PTPRN2: variants seen among roughly 807,000 people sequenced by gnomAD.
PTPRN2 encodes the protein protein tyrosine phosphatase receptor type N2.
In PTPRN2, 74 loss-of-function variants were observed where a neutral mutation model predicts 118.8. The ratio of observed to expected loss-of-function variants is 0.62; its 90% CI spans 0.52 to 0.76. The LOEUF is 0.76. Among genes scored for constraint, PTPRN2 ranks in the 30% least tolerant of loss-of-function variants. The pLI, the probability that PTPRN2 is intolerant of heterozygous loss-of-function variation, is 0.00. For synonymous variants in PTPRN2, 641 were observed against 608.0 expected, an observed-to-expected ratio of 1.05 and a Z score of -0.80; for missense variants, 1,481 against 1,394.4, an observed-to-expected ratio of 1.06 and a Z score of -0.99.
At chr7:157,783,747 C>T (rs760270239) in intron 12 of PTPRN2, among the ~76,000 whole-genome samples, 1 of 151,960 alleles carries the variant, frequency 6.6e-6, no homozygotes, top group African/African-American at 2.4e-5. Context: ...CCCACTTACT[C>T]GGAACAGGGA....
At chr7:158,421,259 A>T (rs1028418984) in intron 2 of PTPRN2, among the ~76,000 whole-genome samples, 2 of 152,184 alleles carry the variant, frequency 1.3e-5, no homozygotes, top group South Asian at 4.1e-4. Flanking sequence ...TCACACTTGA[A>T]AAAAGAGCTC....
chr7:157,889,429 C>A (rs1796668505), intron 12 of PTPRN2, among the ~76,000 whole-genome samples: 1 of 152,162 alleles, frequency 6.6e-6, no homozygotes, highest in Non-Finnish European at 1.5e-5. Flanking sequence ...TGGTTTCGAC[C>A]CAACAACCAA....
At chr7:158,176,668 G>A (rs573499110) in intron 5 of PTPRN2, among the ~76,000 whole-genome samples, 3 of 152,332 alleles carry the variant, frequency 2.0e-5, no homozygotes, top group East Asian at 3.9e-4. Context: ...CAGGATGACG[G>A]TGGCCAGCAT....
chr7:158,015,607 T>C lies in PTPRN2; in HGVS notation c.1723+65691A>G, dbSNP rs553146572. Among the ~76,000 whole-genome samples, 27 of 152,230 alleles carry C rather than the reference T, an allele frequency of 1.8e-4. No homozygotes were observed. The South Asian group carries it at 3.9e-3, about 22-fold the overall frequency. On this transcript the variant is annotated intron_variant, in intron 11 of 22. Coordinates refer to ENST00000389418, the MANE Select transcript of PTPRN2 (RefSeq NM_002847.5). The surrounding 1 kb of genome is among the most constrained non-coding windows in gnomAD (Gnocchi z 4.2). ...TCAGGGGAAAGCAGAGCCCTTTCTCTTTACTCACCAGCAGTTCATATTGTT... is the reference window on the plus strand; with the variant it reads ...TCAGGGGAAAGCAGAGCCCTTTCTCCTTACTCACCAGCAGTTCATATTGTT...
chr7:158,206,858 A>G (rs531254730), intron 3 of PTPRN2, among the ~76,000 whole-genome samples: 46 of 150,084 alleles, frequency 3.1e-4, no homozygotes, highest in African/African-American at 1.1e-3. Flanking sequence ...TGCACATTGT[A>G]CAGGTTAGTT....
intron 2 of PTPRN2, among the ~76,000 whole-genome samples, chr7:158,369,421 G>C (rs1039280874): frequency 3.3e-5 from 5 of 152,080 alleles, no homozygotes; most frequent in African/African-American, 1.2e-4. Flanking sequence ...ACATGGTGAG[G>C]GTGCCGGGGG....
chr7:158,443,867 G>T lies in PTPRN2; in HGVS notation c.163+45868C>A, dbSNP rs190624411. ...ACTGTTGGCCACCAGCAACGGGGCT[G>T]CCTGGGACGGCCAGGGGCAGAGCTG... is the stretch of plus-strand genomic sequence containing the variant. On this transcript the variant is annotated intron_variant, in intron 2 of 22. Coordinates refer to ENST00000389418, the MANE Select transcript of PTPRN2 (RefSeq NM_002847.5). Among the ~76,000 whole-genome samples, 249 of 152,336 alleles carry T rather than the reference G, an allele frequency of 1.6e-3. 1 individual carries two copies. The highest frequency in any genetic ancestry group is 5.8e-3 in the African/African-American group (240 of 41,584).
rs554146772 is a variant in PTPRN2, at chr7:157,964,568, C to T, written c.1724-65831G>A. 1.3e-5 allele frequency among the ~76,000 whole-genome samples: 2 copies of T among 152,330 alleles called. No individual in the cohort carries two copies. The highest frequency in any genetic ancestry group is 1.3e-4 in the Admixed American group (2 of 15,304). On this transcript the variant is annotated intron_variant, in intron 11 of 22. Transcript: ENST00000389418. The surrounding 1 kb of genome is among the most constrained non-coding windows in gnomAD (Gnocchi z 9.0). The stretch of plus-strand genomic sequence containing the variant: ...GGTCAAAACAGTTCATCCACAACCC[C>T]GTGCAGGCCACAACACAGGAGCAGG...
At chr7:158,037,252 A>G (rs778629396) in intron 11 of PTPRN2, among the ~76,000 whole-genome samples, 3 of 152,276 alleles carry the variant, frequency 2.0e-5, no homozygotes, top group Non-Finnish European at 4.4e-5. Flanking sequence ...GCGAAGACAC[A>G]TGCCATGTAA....
chr7:158,465,602 A>T (rs1457546948), intron 2 of PTPRN2, among the ~76,000 whole-genome samples: 1 of 152,230 alleles, frequency 6.6e-6, no homozygotes, highest in Non-Finnish European at 1.5e-5. Context: ...CTTTAGAGAC[A>T]AGCAAACTGA....
chr7:157,927,201 CCA>C, intron 11 of PTPRN2, among the ~76,000 whole-genome samples: 1 of 89,384 alleles, frequency 1.1e-5, no homozygotes. Flanking sequence ...TTCTGGGACC[CCA>C]AAGACAGGAA....
chr7:158,333,331 C>T (rs1185830736), intron 2 of PTPRN2, among the ~76,000 whole-genome samples: 11 of 143,358 alleles, frequency 7.7e-5, no homozygotes, highest in African/African-American at 2.7e-4. Context: ...CCCACACTGT[C>T]ACCATAAGAG....
At chr7:157,646,122 A>G (rs1408104102) in intron 14 of PTPRN2, among the ~76,000 whole-genome samples, 1 of 152,192 alleles carries the variant, frequency 6.6e-6, no homozygotes, top group African/African-American at 2.4e-5. Flanking sequence ...TTTGCCAGGC[A>G]CACAGTAGGC....
intron 11 of PTPRN2, among the ~76,000 whole-genome samples, chr7:157,967,216 G>T (rs2128813794): frequency 6.6e-6 from 1 of 152,282 alleles, no homozygotes; most frequent in Admixed American, 6.5e-5. Flanking sequence ...CCAGCTACTT[G>T]GGAGGACCCC....
chr7:157,778,268 A>T (rs1289393038), intron 12 of PTPRN2, among the ~76,000 whole-genome samples: 3 of 152,360 alleles, frequency 2.0e-5, no homozygotes, highest in East Asian at 1.9e-4. Context: ...ATGCCCAAGT[A>T]CATGTGAATA....
chr7:157,735,924 C>G (rs1048497685), intron 12 of PTPRN2, among the ~76,000 whole-genome samples: 3 of 152,204 alleles, frequency 2.0e-5, no homozygotes, highest in African/African-American at 7.2e-5. Flanking sequence ...GAGAAGCTGC[C>G]CCAAGATTCT....
intron 10 of PTPRN2, among the ~76,000 whole-genome samples, chr7:158,100,244 GGTGTGTGTGT>G (rs3065708): frequency 2.8e-4 from 42 of 147,418 alleles, no homozygotes; most frequent in South Asian, 4.3e-4. Context: ...TATTCCATGG[GGTGTGTGTGT>G]GTGTGTGTGT....
rs578247720 is a variant in PTPRN2 at position 157,928,804 on chromosome 7, G to A, written c.1724-30067C>T. 2.5e-3 allele frequency among the ~76,000 whole-genome samples: 365 copies of A among 146,908 alleles called. 4 individuals carry two copies. Among genetic ancestry groups the A allele is most frequent in the African/African-American group, 9.0e-3 (355 of 39,264 alleles). ...CAGATGGCAGGGCACAGGGATAGAG[G>A]GCAGGAGAAAGGGCAGGGCAGAGGG... On this transcript the variant is annotated intron_variant, in intron 11 of 22. Coordinates refer to ENST00000389418, the MANE Select transcript of PTPRN2 (RefSeq NM_002847.5).
chr7:158,532,170 ACCGCTTCAGGGTT>A (rs1825292576), intron 1 of PTPRN2, among the ~76,000 whole-genome samples: 1 of 152,242 alleles, frequency 6.6e-6, no homozygotes, highest in African/African-American at 2.4e-5. Context: ...GGAGGTGCAG[ACCGCTTCAGGGTT>A]GGCCCAGCAC....
Sources: gnomAD v4.1 joint callset for allele counts (sites outside exome capture counted in the v4.1 genomes callset) on GRCh38, gnomAD v4.1.1 for gene constraint, Gnocchi (gnomAD v3.1) non-coding constraint, MANE v1.5 for transcripts, NCBI Gene and HGNC (gene_info 2026-07-23, HGNC 2026-07-21) for gene names.